Variants in ANKRD12 observed in about 807,000 individuals in gnomAD.
ANKRD12 encodes the protein ankyrin repeat domain-containing protein 12.
A neutral mutation model predicts 183.4 loss-of-function variants in ANKRD12; 85 were observed. The observed-to-expected ratio is 0.46, with a 90% CI of 0.39 to 0.56. The LOEUF (loss-of-function observed/expected upper bound fraction) is 0.56, where lower values mean the gene tolerates loss of function less well. Among genes scored for constraint, ANKRD12 ranks in the 20% least tolerant of loss-of-function variants. The pLI is 0.00. For missense variants in ANKRD12, 2,405 were observed against 2,357.1 expected (o/e 1.02, Z -0.42); for synonymous variants, 914 against 800.2 (o/e 1.14, Z -2.40).
Position 9,258,433 on chromosome 18 carries a change from C to T in ANKRD12, c.5166C>T (p.Ala1722=), listed in dbSNP as rs779566956. The T allele has an allele frequency of 1.2e-5, 20 of 1,613,456 alleles. No individual in the cohort carries two copies. Among genetic ancestry groups the T allele is most frequent in the Non-Finnish European group, 1.5e-5 (18 of 1,179,878 alleles). ...TTAAAGTAGAATTAGAAGAAAATGC[C>T]GAAGATGATAAAACTGAAAACCAAA... ...QLVKVELEEN[A]EDDKTENQIP... Residue 1722 remains alanine (A), a synonymous_variant, in exon 9 of 13, where the codon GCC becomes GCT. Transcript: ENST00000262126.
intron 8 of ANKRD12, among the ~76,000 whole-genome samples, chr18:9,244,134 C>CA (rs541049879): frequency 6.6e-6 from 1 of 151,950 alleles, no homozygotes; most frequent in African/African-American, 2.4e-5. Context: ...AATTCCGTCT[C>CA]AAAAAAATGA....
intron 8 of ANKRD12, chr18:9,235,879 C>T: frequency 3.6e-6 from 1 of 275,936 alleles, no homozygotes; most frequent in Non-Finnish European, 7.5e-6. Context: ...TTGATTTATT[C>T]TTCTCTGGGA....
chr18:9,244,820 C>A (rs2037864996), intron 8 of ANKRD12, among the ~76,000 whole-genome samples: 1 of 152,128 alleles, frequency 6.6e-6, no homozygotes. Context: ...GAGGACAAGC[C>A]TAAGGTTTCA....
At chr18:9,266,235 AC>A (rs2145344275) in intron 10 of ANKRD12, among the ~76,000 whole-genome samples, 2 of 152,284 alleles carry the variant, frequency 1.3e-5, no homozygotes, top group African/African-American at 4.8e-5. Context: ...AGCAAGGCAG[AC>A]CAACATTCAA....
chr18:9,205,827 T>C (rs575029479), intron 4 of ANKRD12, among the ~76,000 whole-genome samples: 11 of 152,260 alleles, frequency 7.2e-5, no homozygotes, highest in African/African-American at 2.6e-4. Flanking sequence ...GTGATTCCAT[T>C]GTTTGATTCT....
chr18:9,232,111 T>C (rs1320210706), intron 8 of ANKRD12, among the ~76,000 whole-genome samples: 1 of 152,246 alleles, frequency 6.6e-6, no homozygotes, highest in African/African-American at 2.4e-5. Context: ...TTGTGTATTA[T>C]TCTTTGTTCC....
intron 8 of ANKRD12, among the ~76,000 whole-genome samples, chr18:9,240,328 C>A (rs1024271060): frequency 2.0e-4 from 31 of 152,042 alleles, no homozygotes; most frequent in African/African-American, 5.8e-4. Context: ...TGCCTTTTTC[C>A]ATTAGTCTAA....
intron 3 of ANKRD12, among the ~76,000 whole-genome samples, chr18:9,198,043 A>T (rs950407655): frequency 6.6e-5 from 10 of 152,218 alleles, no homozygotes; most frequent in African/African-American, 2.4e-4. Flanking sequence ...ATTTTTTTTT[A>T]AAAAGTAGAA....
chr18:9,209,706 T>C (rs1395620543), intron 5 of ANKRD12, among the ~76,000 whole-genome samples: 1 of 152,218 alleles, frequency 6.6e-6, no homozygotes, highest in African/African-American at 2.4e-5. Context: ...GGAAAGTCTG[T>C]GACCAAATTA....
At chr18:9,224,672 T>C (rs992621548) in intron 8 of ANKRD12, among the ~76,000 whole-genome samples, 3 of 152,168 alleles carry the variant, frequency 2.0e-5, no homozygotes, top group African/African-American at 4.8e-5. Context: ...AAAAAAGATA[T>C]AACTAGAAGT....
At chr18:9,274,948 CGA>C (rs1239444416) in intron 10 of ANKRD12, among the ~76,000 whole-genome samples, 2 of 151,962 alleles carry the variant, frequency 1.3e-5, no homozygotes, top group African/African-American at 2.4e-5. Context: ...TTTGGGAGGC[CGA>C]GAGGGGAGGA....
At chr18:9,232,606 T>C (rs915692137) in intron 8 of ANKRD12, among the ~76,000 whole-genome samples, 1 of 152,172 alleles carries the variant, frequency 6.6e-6, no homozygotes, top group Non-Finnish European at 1.5e-5. Context: ...TGGAAACCTT[T>C]TTGCATTGGG....
chr18:9,196,893 C>G (rs1288691873), intron 3 of ANKRD12, among the ~76,000 whole-genome samples: 1 of 151,920 alleles, frequency 6.6e-6, no homozygotes, highest in Non-Finnish European at 1.5e-5. Flanking sequence ...AAGCTAATTA[C>G]TGGATCGCTT....
At chr18:9,260,456 T>G (rs1271727639) in intron 9 of ANKRD12, 1 of 152,222 alleles carries the variant, frequency 6.6e-6, no homozygotes, top group Non-Finnish European at 1.5e-5. Context: ...TGCTGCCATT[T>G]TTCCAGAGGA....
chr18:9,193,831 G>T (rs1038503502), intron 2 of ANKRD12, among the ~76,000 whole-genome samples: 3 of 152,132 alleles, frequency 2.0e-5, no homozygotes, highest in Admixed American at 1.3e-4. Flanking sequence ...AGGCAGTGTG[G>T]CTTAGTTCTC....
At chr18:9,148,740 T>C (rs907369103) in intron 1 of ANKRD12, among the ~76,000 whole-genome samples, 5 of 152,204 alleles carry the variant, frequency 3.3e-5, no homozygotes, top group Non-Finnish European at 7.4e-5. Context: ...TCTCCTTGTG[T>C]CTTAGGTAAT....
At chr18:9,195,494 A>C (rs1488799488) in intron 2 of ANKRD12, 57 bp from the exon 3 acceptor site, 4 of 1,350,434 alleles carry the variant, frequency 3.0e-6, no homozygotes, top group Non-Finnish European at 3.9e-6. Context: ...AGGGGTTTCT[A>C]TACTGTATTG....
At chr18:9,158,900 T>C (rs1299474368) in intron 1 of ANKRD12, among the ~76,000 whole-genome samples, 3 of 152,234 alleles carry the variant, frequency 2.0e-5, no homozygotes, top group South Asian at 2.1e-4. Flanking sequence ...TGTGGACTTG[T>C]AGATGTTGAT....
At chr18:9,235,770 G>A (rs2037310559) in intron 8 of ANKRD12, 6 of 429,128 alleles carry the variant, frequency 1.4e-5, no homozygotes, top group Non-Finnish European at 2.4e-5. Flanking sequence ...TATTTTGTGT[G>A]GAAAAGAAAC....
Sources: gnomAD v4.1 joint callset for allele counts (sites outside exome capture counted in the v4.1 genomes callset) on GRCh38, gnomAD v4.1.1 for gene constraint, MANE v1.5 for transcripts, NCBI Gene and HGNC (gene_info 2026-07-23, HGNC 2026-07-21) for gene names.